FAM216A: variants seen among roughly 807,000 people sequenced by gnomAD.
FAM216A encodes protein FAM216A.
A neutral mutation model predicts 37.6 loss-of-function variants in FAM216A; 26 were observed. The ratio of observed to expected loss-of-function variants is 0.69; its 90% CI spans 0.51 to 0.96. FAM216A has a LOEUF of 0.96. Among genes scored for constraint, FAM216A ranks in the 40% least tolerant of loss-of-function variants. FAM216A has a pLI of 0.00. For missense variants in FAM216A, 326 were observed against 339.3 expected, an observed-to-expected ratio of 0.96 and a Z score of 0.31; for synonymous variants, 110 against 121.7, an observed-to-expected ratio of 0.90 and a Z score of 0.64.
At chr12:110,485,905 A>G (rs572555827) in intron 3 of FAM216A, among the ~76,000 whole-genome samples, 1 of 152,210 alleles carries the variant, frequency 6.6e-6, no homozygotes, top group African/African-American at 2.4e-5. Flanking sequence ...ACAGTCAGTT[A>G]TTCTTCTGGT....
chr12:110,470,500 CAG>C (rs1195970980), intron 1 of FAM216A, among the ~76,000 whole-genome samples: 5 of 146,304 alleles, frequency 3.4e-5, no homozygotes, highest in Non-Finnish European at 7.5e-5. Context: ...TTTATTGAGA[CAG>C]AGTCTCCCTC....
At chr12:110,484,455 A>AAC (rs1565853407) in intron 2 of FAM216A, among the ~76,000 whole-genome samples, 16 of 138,584 alleles carry the variant, frequency 1.2e-4, no homozygotes, top group South Asian at 2.3e-4. Flanking sequence ...AAAAAAAAAA[A>AAC]CTATATAGTA....
intron 1 of FAM216A, among the ~76,000 whole-genome samples, chr12:110,471,177 C>T (rs1315237358): frequency 2.0e-5 from 3 of 152,042 alleles, no homozygotes; most frequent in Non-Finnish European, 4.4e-5. Flanking sequence ...TCACTGCAAC[C>T]TCCGCCTCCC....
chr12:110,487,568 C>T, intron 5 of FAM216A: 1 of 293,178 alleles, frequency 3.4e-6, no homozygotes, highest in Non-Finnish European at 6.3e-6. Context: ...AATATAATTC[C>T]CACTCAACCT....
intron 5 of FAM216A, 132 bp from the exon 6 acceptor site, chr12:110,487,729 G>C: frequency 1.5e-6 from 1 of 669,422 alleles, no homozygotes; most frequent in Non-Finnish European, 2.7e-6. Context: ...GAAATTACAG[G>C]AGAATCTGGG....
At chr12:110,474,156 CT>C (rs2062702649) in intron 2 of FAM216A, among the ~76,000 whole-genome samples, 2 of 151,986 alleles carry the variant, frequency 1.3e-5, no homozygotes, top group Admixed American at 1.3e-4. Context: ...GTGTTGCAGT[CT>C]GGGTTCATTA....
Position 110,490,235 on chromosome 12 carries a change from C to T in FAM216A, c.*98C>T. On this transcript the variant is annotated 3_prime_UTR_variant, in exon 7 of 7. Coordinates refer to ENST00000377673, the MANE Select transcript of FAM216A (RefSeq NM_013300.3). Reference sequence around the variant, plus strand: ...AGGATGGTATTGTTATTTATTAAATCATTAAGTAATTTTGGTTTGTTCAGA... The same window carrying T: ...AGGATGGTATTGTTATTTATTAAATTATTAAGTAATTTTGGTTTGTTCAGA... 1.3e-6 allele frequency: 1 copy of T among 742,516 alleles called. No individual in the cohort carries two copies. Among genetic ancestry groups the T allele is most frequent in the Non-Finnish European group, 2.4e-6 (1 of 415,710 alleles). 46.0% of individuals were successfully genotyped at this position (742,516 alleles called of 1,614,324 possible).
intron 2 of FAM216A, among the ~76,000 whole-genome samples, chr12:110,479,163 C>CA (rs764041764): frequency 0.046 from 5,308 of 116,540 alleles, 116 homozygotes; most frequent in African/African-American, 0.061. Context: ...GACTCTGTCT[C>CA]AAAAAAAAAA....
chr12:110,474,691 C>CA lies in FAM216A; in HGVS notation c.184+1601dup, dbSNP rs34479591. Among the ~76,000 whole-genome samples the CA allele has an allele frequency of 9.7e-3, 433 of 44,822 alleles. 19 individuals carry two copies. The highest frequency in any genetic ancestry group is 0.023 in the African/African-American group (227 of 9,726). The allele number at this position is 44,822 out of a possible 152,430, so 29.4% of individuals were successfully genotyped here. A position where few individuals can be genotyped will look rare whatever the true frequency, so the allele number is the denominator to read the frequency against. On this transcript the variant is annotated intron_variant, in intron 2 of 6. Transcript: ENST00000377673. ...TGGGCGACAGAGCGAGACTCTGTCT[C>CA]AAAAAAAAAAAAAAAAAAAAAAAAA...
At chr12:110,479,082 G>A (rs994532210) in intron 2 of FAM216A, among the ~76,000 whole-genome samples, 2 of 151,794 alleles carry the variant, frequency 1.3e-5, no homozygotes, top group Non-Finnish European at 1.5e-5. Context: ...CCAGCTACTC[G>A]GGAGGCTGAG....
At chr12:110,481,529 T>C (rs1436234325) in intron 2 of FAM216A, among the ~76,000 whole-genome samples, 1 of 132,980 alleles carries the variant, frequency 7.5e-6, no homozygotes, top group Non-Finnish European at 1.6e-5. Context: ...GTGTGTGTGG[T>C]TTTTTTTTTT....
At chr12:110,468,705 A>G, upstream of FAM216A, 2 of 1,516,694 alleles carry the variant, frequency 1.3e-6, no homozygotes, top group Non-Finnish European at 1.8e-6. Context: ...CAGCGACCGC[A>G]GCGCTCCTGC....
At chr12:110,478,629 G>A (rs974829737) in intron 2 of FAM216A, among the ~76,000 whole-genome samples, 3 of 152,002 alleles carry the variant, frequency 2.0e-5, no homozygotes, top group Non-Finnish European at 4.4e-5. Flanking sequence ...AGGAAATAGG[G>A]ACTTTGGTTT....
At chr12:110,473,893 G>A (rs2062700933) in intron 2 of FAM216A, among the ~76,000 whole-genome samples, 1 of 152,116 alleles carries the variant, frequency 6.6e-6, no homozygotes, top group Non-Finnish European at 1.5e-5. Flanking sequence ...CTCACTAATT[G>A]CTTTTTTTCC....
intron 2 of FAM216A, among the ~76,000 whole-genome samples, chr12:110,474,182 C>T (rs547615897): frequency 2.8e-4 from 43 of 151,758 alleles, no homozygotes; most frequent in African/African-American, 1.0e-3. Flanking sequence ...AGATTCCTCA[C>T]CAAAATTCTT....
At chr12:110,489,752 T>G (rs1383829401) in intron 6 of FAM216A, among the ~76,000 whole-genome samples, 1 of 152,144 alleles carries the variant, frequency 6.6e-6, no homozygotes, top group Non-Finnish European at 1.5e-5. Flanking sequence ...CCACTTTAAT[T>G]TCCCCCAACT....
At position 110,490,134 on chromosome 12, in the gene FAM216A, T is replaced by G. The variant is rs752560441; in HGVS notation, c.819T>G (p.Thr273=). The change falls in exon 7 of 7, where the codon ACT becomes ACG. Residue 273 remains threonine (T), a synonymous_variant. Coordinates refer to ENST00000377673, the MANE Select transcript of FAM216A (RefSeq NM_013300.3). ...AACAGGGAGAACATCTGATGTTAAC[T>G]TGACAGTCTTGTCTCGTGTATTGAA... is the stretch of plus-strand genomic sequence containing the variant. ...IEEQGEHLML[T] is the part of the protein sequence containing the mutation. The G allele has an allele frequency of 7.0e-7, 1 of 1,434,538 alleles. No homozygotes were observed. Among genetic ancestry groups the G allele is most frequent in the Admixed American group, 1.7e-5 (1 of 59,814 alleles). The allele number at this position is 1,434,538 out of a possible 1,614,324, so 88.9% of individuals were successfully genotyped here. A position where few individuals can be genotyped will look rare whatever the true frequency, so the allele number is the denominator to read the frequency against.
At chr12:110,473,252 C>A in intron 2 of FAM216A, 134 bp downstream of exon 2, 2 of 395,378 alleles carry the variant, frequency 5.1e-6, no homozygotes, top group Admixed American at 4.0e-5. Context: ...CACTCTGTTG[C>A]CTGGGCTGGA....
At chr12:110,486,967 A>C (rs1227691306) in intron 5 of FAM216A, 5 of 413,882 alleles carry the variant, frequency 1.2e-5, no homozygotes, top group Non-Finnish European at 2.2e-5. Context: ...TATGTTGGCC[A>C]AGGTACTCTC....
Sources: gnomAD v4.1 joint callset for allele counts (sites outside exome capture counted in the v4.1 genomes callset) on GRCh38, gnomAD v4.1.1 for gene constraint, MANE v1.5 for transcripts, NCBI Gene and HGNC (gene_info 2026-07-23, HGNC 2026-07-21) for gene names.